The following ANKS1B variants were observed in gnomAD, a reference collection of about 807,000 sequenced individuals.
The protein encoded by ANKS1B is ankyrin repeat and sterile alpha motif domain containing 1B.
In ANKS1B, 36 loss-of-function variants were observed where a neutral mutation model predicts 148.3. The observed-to-expected ratio is 0.24, with a 90% CI of 0.19 to 0.32. The LOEUF is 0.32. ANKS1B is among the 10% of genes least tolerant of loss of function. ANKS1B has a pLI of 1.00. For synonymous variants in ANKS1B, 542 were observed against 560.8 expected, an observed-to-expected ratio of 0.97 and a Z score of 0.47; for missense variants, 1,157 against 1,542.6, an observed-to-expected ratio of 0.75 and a Z score of 4.19.
intron 17 of ANKS1B, among the ~76,000 whole-genome samples, chr12:99,031,554 T>C (rs763429077): frequency 4.6e-5 from 7 of 152,224 alleles, no homozygotes; most frequent in Non-Finnish European, 4.4e-5. Flanking sequence ...GCTGGAAAGA[T>C]ACTGGAAGAA....
At chr12:99,825,226 T>G (rs2083037418) in intron 2 of ANKS1B, 83 bp downstream of exon 2, 277 of 1,181,434 alleles carry the variant, frequency 2.3e-4, no homozygotes, top group Non-Finnish European at 3.0e-4. Flanking sequence ...CACAGAGACA[T>G]GAGAAAGGTA....
intron 20 of ANKS1B, among the ~76,000 whole-genome samples, chr12:98,806,391 T>G (rs2099051354): frequency 6.6e-6 from 1 of 152,244 alleles, no homozygotes; most frequent in Non-Finnish European, 1.5e-5. Flanking sequence ...CCTACTTGCT[T>G]ATAAATTTAG....
chr12:98,818,902 T>C lies in ANKS1B; in HGVS notation c.3066+10272A>G, dbSNP rs187671189. ...TTGAGACCCCACCATTTCTTCATTT[T>C]ATCCTTGTGAAAAATATGAAAAAAC... On this transcript the variant is annotated intron_variant, in intron 19 of 26. Transcript: ENST00000683438. 2.6e-5 allele frequency among the ~76,000 whole-genome samples: 4 copies of C among 152,372 alleles called. No individual in the cohort carries two copies. The East Asian group carries it at 7.7e-4, about 29-fold the overall frequency.
chr12:98,829,086 A>G lies in ANKS1B; in HGVS notation c.3066+88T>C. The G allele has an allele frequency of 6.8e-7, 1 of 1,467,498 alleles. No homozygotes were observed. The highest frequency in any genetic ancestry group is 9.5e-7 in the Non-Finnish European group (1 of 1,057,398). 90.9% of individuals were successfully genotyped at this position (1,467,498 alleles called of 1,614,324 possible). A position where few individuals can be genotyped will look rare whatever the true frequency, so the allele number is the denominator to read the frequency against. On this transcript the variant is annotated intron_variant, in intron 19 of 26. Transcript: ENST00000683438. This position sits in a 1 kb window ranked among gnomAD's most constrained non-coding sequence, Gnocchi z 5.2. Reference sequence around the variant, plus strand: ...TATAAATTCTAGTTAGGCACGGACAATAAGCATCCATAGGAAGCTACTGTT... The same window carrying G: ...TATAAATTCTAGTTAGGCACGGACAGTAAGCATCCATAGGAAGCTACTGTT...
chr12:99,589,509 T>C (rs990130511), intron 9 of ANKS1B, among the ~76,000 whole-genome samples: 5 of 152,192 alleles, frequency 3.3e-5, no homozygotes, highest in Admixed American at 2.0e-4. Context: ...CATTAGGTCA[T>C]CTATATTGCC....
chr12:99,945,480 G>C (rs1175728012), intron 1 of ANKS1B, among the ~76,000 whole-genome samples: 2 of 152,142 alleles, frequency 1.3e-5, no homozygotes, highest in African/African-American at 4.8e-5. Flanking sequence ...TGTAGTAGTA[G>C]ATGATCCTTG....
chr12:98,883,780 T>C (rs2099724112), intron 17 of ANKS1B, among the ~76,000 whole-genome samples: 1 of 152,214 alleles, frequency 6.6e-6, no homozygotes, highest in Admixed American at 6.5e-5. Context: ...AGTAAATATA[T>C]ATAAAGTGCA....
In ANKS1B at chr12:99,261,150, T is replaced by C. The variant is rs539139496; in HGVS notation, c.1757-14286A>G. On this transcript the variant is annotated intron_variant, in intron 12 of 26. Coordinates refer to ENST00000683438, the MANE Select transcript of ANKS1B (RefSeq NM_001352186.2). ...CTTAAATCTACTCCAAATAGGCTTT[T>C]ATTCCACCTACCTCCACCGAATAGC... is the stretch of plus-strand genomic sequence containing the variant. Among the ~76,000 whole-genome samples the C allele has an allele frequency of 3.3e-5, 5 of 152,300 alleles. No individual in the cohort carries two copies. In the East Asian group the frequency reaches 9.7e-4, roughly 29 times the overall value.
At chr12:99,340,843 T>C (rs1194594121) in intron 12 of ANKS1B, among the ~76,000 whole-genome samples, 1 of 152,104 alleles carries the variant, frequency 6.6e-6, no homozygotes, top group Non-Finnish European at 1.5e-5. Context: ...ATAAATAATA[T>C]GTGTTTACTT....
At chr12:99,877,736 A>G (rs1172308791) in intron 1 of ANKS1B, among the ~76,000 whole-genome samples, 1 of 152,130 alleles carries the variant, frequency 6.6e-6, no homozygotes, top group Non-Finnish European at 1.5e-5. Context: ...TTGTAGGTAA[A>G]ATAAAATCCA....
chr12:99,104,533 T>C (rs1250859043), intron 15 of ANKS1B: 1 of 152,218 alleles, frequency 6.6e-6, no homozygotes, highest in Non-Finnish European at 1.5e-5. Flanking sequence ...GTCTCAAGTT[T>C]TGATCATCCT....
intron 1 of ANKS1B, among the ~76,000 whole-genome samples, chr12:99,865,078 A>G (rs1353041034): frequency 6.6e-6 from 1 of 152,244 alleles, no homozygotes; most frequent in Non-Finnish European, 1.5e-5. Context: ...ACTGACTGAA[A>G]GAGCCAGATA....
chr12:99,829,103 C>T (rs2083576741), intron 1 of ANKS1B, among the ~76,000 whole-genome samples: 2 of 152,002 alleles, frequency 1.3e-5, no homozygotes, highest in Non-Finnish European at 2.9e-5. Flanking sequence ...TTAGCAGTTC[C>T]AATATTGAAA....
intron 9 of ANKS1B, among the ~76,000 whole-genome samples, chr12:99,506,287 T>C (rs1195454215): frequency 6.6e-6 from 1 of 152,022 alleles, no homozygotes; most frequent in Non-Finnish European, 1.5e-5. Context: ...AAGTATATTC[T>C]AGGGCTGATA....
chr12:99,841,210 AATC>A (rs2085692335), intron 1 of ANKS1B, among the ~76,000 whole-genome samples: 1 of 152,076 alleles, frequency 6.6e-6, no homozygotes, highest in Non-Finnish European at 1.5e-5. Flanking sequence ...GACACATAAT[AATC>A]ATCCTTTCTG....
At chr12:99,341,301 T>G (rs2089877723) in intron 12 of ANKS1B, 1 of 152,114 alleles carries the variant, frequency 6.6e-6, no homozygotes, top group Non-Finnish European at 1.5e-5. Context: ...CATGGAATCT[T>G]TTGGAGTGCT....
intron 1 of ANKS1B, among the ~76,000 whole-genome samples, chr12:99,831,858 A>G (rs1391922786): frequency 6.6e-6 from 1 of 152,216 alleles, no homozygotes; most frequent in Non-Finnish European, 1.5e-5. Flanking sequence ...AGATATCACT[A>G]TTCTTTAACA....
At chr12:99,936,675 T>C (rs1370743127) in intron 1 of ANKS1B, among the ~76,000 whole-genome samples, 4 of 152,176 alleles carry the variant, frequency 2.6e-5, no homozygotes, top group Non-Finnish European at 5.9e-5. Context: ...GGCTGCCTTG[T>C]CTGTTACTGT....
intron 12 of ANKS1B, among the ~76,000 whole-genome samples, chr12:99,337,217 TTTCAAATAGACTGTC>T (rs1206460389): frequency 9.2e-5 from 14 of 152,154 alleles, no homozygotes; most frequent in African/African-American, 3.1e-4. Context: ...GATTGTACAT[TTTCAAATAGACTGTC>T]TTCAAGCTCG....
Sources: allele counts gnomAD v4.1 joint callset (sites outside exome capture counted in the v4.1 genomes callset), GRCh38; gene constraint gnomAD v4.1.1; non-coding constraint Gnocchi (gnomAD v3.1); transcripts MANE v1.5; gene names NCBI Gene and HGNC (gene_info 2026-07-23, HGNC 2026-07-21).